NEIL3: variants seen among roughly 807,000 people sequenced by gnomAD.
The protein encoded by NEIL3 is endonuclease 8-like 3.
Under a neutral mutation model 57.5 loss-of-function variants are expected in NEIL3, and 48 were observed. The observed-to-expected ratio is 0.83, with a 90% CI of 0.66 to 1.06. The LOEUF (loss-of-function observed/expected upper bound fraction) is 1.06. NEIL3 is among the 50% of genes least tolerant of loss of function. NEIL3 has a pLI of 0.00. For synonymous variants in NEIL3, 261 were observed against 253.2 expected (o/e 1.03, Z -0.29); for missense variants, 717 against 739.1 (o/e 0.97, Z 0.35).
At chr4:177,351,989 C>T (rs1735362542) in intron 7 of NEIL3, among the ~76,000 whole-genome samples, 1 of 152,166 alleles carries the variant, frequency 6.6e-6, no homozygotes, top group Non-Finnish European at 1.5e-5. Context: ...ATCCCTTCTA[C>T]CCCGTGCTAT....
chr4:177,369,488 A>G, the NEIL3 span, among the ~76,000 whole-genome samples: 2 of 152,154 alleles, frequency 1.3e-5, no homozygotes, highest in Non-Finnish European at 2.9e-5. Context: ...TACAAAAATA[A>G]ATAAATCACT....
At chr4:177,339,687 T>C (rs758006093) in intron 4 of NEIL3, 96 bp from the exon 5 acceptor site, 361 of 793,938 alleles carry the variant, frequency 4.5e-4, no homozygotes, top group Non-Finnish European at 5.5e-4. Flanking sequence ...TCAAAATCTA[T>C]TTACAGTTCT....
chr4:177,353,518 A>G lies in NEIL3; in HGVS notation c.1250A>G (p.Gln417Arg). The G allele has an allele frequency of 6.2e-7, 1 of 1,613,490 alleles. No homozygotes were observed. The highest frequency in any genetic ancestry group is 1.1e-5 in the South Asian group (1 of 91,064). Residue 417 changes from glutamine to arginine, a missense_variant, in exon 8 of 10, where the codon CAA becomes CGA. Gln to Arg is a conservative substitution (Grantham distance 43). Transcript: ENST00000264596. ...AACCAGATACTAGATGAGGAGTTTC[A>G]AAACTCTCCTCCTGCTAGTGTTTGT... ...KQNQILDEEF[Q>R]NSPPASVCLN...
intron 4 of NEIL3, 93 bp downstream of exon 4, chr4:177,336,414 A>G: frequency 2.2e-6 from 2 of 916,596 alleles, no homozygotes; most frequent in South Asian, 1.6e-5. Context: ...TCAGTAACAC[A>G]GTCTCATCAG....
At chr4:177,345,752 C>T (rs764674558) in intron 6 of NEIL3, among the ~76,000 whole-genome samples, 4 of 140,626 alleles carry the variant, frequency 2.8e-5, no homozygotes, top group Non-Finnish European at 6.1e-5. Context: ...TGCAGTGGCA[C>T]GATCTCAGCT....
At chr4:177,339,922 C>A in intron 5 of NEIL3, 65 bp downstream of exon 5, 6 of 1,082,798 alleles carry the variant, frequency 5.5e-6, no homozygotes, top group Non-Finnish European at 7.1e-6. Context: ...TGGAGTGCAC[C>A]AAAAAATGTG....
intron 6 of NEIL3, among the ~76,000 whole-genome samples, chr4:177,347,842 T>C (rs1489211608): frequency 2.0e-5 from 3 of 152,206 alleles, no homozygotes; most frequent in African/African-American, 7.2e-5. Context: ...ACAAATTATA[T>C]TTTTTAAACA....
At chr4:177,343,311 T>C (rs1428649339) in intron 6 of NEIL3, 4 of 152,194 alleles carry the variant, frequency 2.6e-5, no homozygotes, top group East Asian at 1.9e-4. Flanking sequence ...GTGCTGTTGA[T>C]TGAAGCATTC....
intron 2 of NEIL3, among the ~76,000 whole-genome samples, chr4:177,334,884 T>G (rs1208854574): frequency 2.0e-5 from 3 of 152,224 alleles, no homozygotes; most frequent in Non-Finnish European, 4.4e-5. Flanking sequence ...TTTTTGATCT[T>G]CATCATCAGA....
At chr4:177,359,307 A>C (rs910711945) in intron 8 of NEIL3, among the ~76,000 whole-genome samples, 1 of 152,224 alleles carries the variant, frequency 6.6e-6, no homozygotes, top group East Asian at 1.9e-4. Context: ...GAAACCTTCA[A>C]AAACTGCCCT....
intron 1 of NEIL3, among the ~76,000 whole-genome samples, chr4:177,313,763 A>G (rs1206237396): frequency 6.6e-6 from 1 of 152,214 alleles, no homozygotes; most frequent in East Asian, 1.9e-4. Flanking sequence ...TTAATATGCC[A>G]GCTATTTATC....
At chr4:177,364,391 G>A (rs1028891938), downstream of NEIL3, among the ~76,000 whole-genome samples, 1 of 152,114 alleles carries the variant, frequency 6.6e-6, no homozygotes, top group African/African-American at 2.4e-5. Flanking sequence ...TACAGCTTTT[G>A]TCCTGAGGGC....
chr4:177,335,672 T>C lies in NEIL3; in HGVS notation c.279-16T>C. Reference sequence around the variant, plus strand: ...TATACTTTCTGCCACTCAAAAATGGTTTGATTTTGTTTCAGGATTCATTTC... The same window carrying C: ...TATACTTTCTGCCACTCAAAAATGGCTTGATTTTGTTTCAGGATTCATTTC... On this transcript the variant is annotated splice_polypyrimidine_tract_variant and intron_variant, in intron 2 of 9. Transcript: ENST00000264596. 6.2e-7 allele frequency: 1 copy of C among 1,607,808 alleles called. No individual in the cohort carries two copies. The highest frequency in any genetic ancestry group is 8.5e-7 in the Non-Finnish European group (1 of 1,177,458).
chr4:177,327,300 C>A (rs535817728), intron 2 of NEIL3, among the ~76,000 whole-genome samples: 22 of 152,262 alleles, frequency 1.4e-4, no homozygotes, highest in African/African-American at 5.3e-4. Context: ...AATACACTTG[C>A]TAAACTCGTT....
intron 7 of NEIL3, among the ~76,000 whole-genome samples, chr4:177,351,793 T>C (rs1265305298): frequency 6.6e-6 from 1 of 152,218 alleles, no homozygotes; most frequent in Non-Finnish European, 1.5e-5. Flanking sequence ...CTCAAAAAAA[T>C]GGAGATGATC....
intron 2 of NEIL3, among the ~76,000 whole-genome samples, chr4:177,325,337 T>C (rs1279032604): frequency 6.6e-6 from 1 of 152,172 alleles, no homozygotes; most frequent in Non-Finnish European, 1.5e-5. Context: ...TTACTCTGTA[T>C]AATACTTTAA....
At chr4:177,365,558 A>C (rs761198261), downstream of NEIL3, among the ~76,000 whole-genome samples, 33 of 152,316 alleles carry the variant, frequency 2.2e-4, no homozygotes, top group Non-Finnish European at 4.1e-4. Context: ...AAGAAAAAGA[A>C]AAAAAATTTA....
chr4:177,354,854 A>G (rs1735441763), intron 8 of NEIL3, among the ~76,000 whole-genome samples: 1 of 152,210 alleles, frequency 6.6e-6, no homozygotes, highest in African/African-American at 2.4e-5. Context: ...TGTAATTCTA[A>G]CTAAGAAATA....
At position 177,353,617 on chromosome 4, in the gene NEIL3, C is replaced by T; in HGVS notation, c.1349C>T (p.Ser450Leu). 1 of 1,613,542 alleles carries T rather than the reference C, an allele frequency of 6.2e-7. No homozygotes were observed. Among genetic ancestry groups the T allele is most frequent in the Non-Finnish European group, 8.5e-7 (1 of 1,179,530 alleles). Reference protein sequence around the residue: ...ITQPSSKVNISPTISSESKLF... With the variant: ...ITQPSSKVNILPTISSESKLF... ...CAACCATCCAGCAAAGTAAACATAT[C>T]ACCTACAATCAGTTCAGAATCTAAA... Residue 450 changes from serine to leucine, a missense_variant, in exon 8 of 10, where the codon TCA (serine) becomes TTA (leucine). By Grantham distance (145) the Ser-to-Leu change is moderately radical. Transcript: ENST00000264596.
Sources: allele counts gnomAD v4.1 joint callset (sites outside exome capture counted in the v4.1 genomes callset), GRCh38; gene constraint gnomAD v4.1.1; transcripts MANE v1.5; gene names NCBI Gene and HGNC (gene_info 2026-07-23, HGNC 2026-07-21).